TBC1D14: variants seen among roughly 807,000 people sequenced by gnomAD.
The protein encoded by TBC1D14 is TBC1 domain family member 14.
TBC1D14 carries 26 observed loss-of-function variants against 79.0 expected under a neutral mutation model. The observed-to-expected ratio is 0.33, with a 90% CI of 0.24 to 0.46. TBC1D14 has a LOEUF of 0.46. TBC1D14 is among the 20% of genes least tolerant of loss of function. TBC1D14 has a pLI of 1.00. For missense variants in TBC1D14, 769 were observed against 887.6 expected, an observed-to-expected ratio of 0.87 and a Z score of 1.70; for synonymous variants, 394 against 349.9, an observed-to-expected ratio of 1.13 and a Z score of -1.40.
At chr4:7,019,484 T>A (rs35772786) in intron 12 of TBC1D14, among the ~76,000 whole-genome samples, 1 of 151,974 alleles carries the variant, frequency 6.6e-6, no homozygotes, top group South Asian at 2.1e-4. Flanking sequence ...CACGTCTGGC[T>A]TAGGTTGGGT....
rs376126969 is a variant in TBC1D14 at position 7,030,418 on chromosome 4, C to G, written c.*26C>G. 5.0e-6 allele frequency: 8 copies of G among 1,612,516 alleles called. No individual in the cohort carries two copies. In the African/African-American group the frequency reaches 5.3e-5, roughly 11 times the overall value. On this transcript the variant is annotated 3_prime_UTR_variant, in exon 14 of 14. Transcript: ENST00000409757. ...GGCTGCAGCGGGAATTCGCACTCGG[C>G]ACCAATCAGAGCCCCATGCCGCGGC...
At chr4:6,936,337 AAACTACTGATC>A (rs1404033494) in intron 2 of TBC1D14, among the ~76,000 whole-genome samples, 3 of 152,342 alleles carry the variant, frequency 2.0e-5, no homozygotes, top group Admixed American at 1.3e-4. Context: ...TTACCCCTGG[AAACTACTGATC>A]TTTTTACTGT....
intron 6 of TBC1D14, among the ~76,000 whole-genome samples, chr4:7,000,797 T>G (rs1394367286): frequency 6.6e-6 from 1 of 152,198 alleles, no homozygotes; most frequent in Non-Finnish European, 1.5e-5. Flanking sequence ...GTGCTGTTCC[T>G]GTAGGAGGCC....
Position 6,965,932 on chromosome 4 carries a change from T to G in TBC1D14, c.723-1372T>G, listed in dbSNP as rs144495664. ...GAATTTGTAGGAGACACTTTCAAAC[T>G]GTGTAAAAATCCATTCCTCATTGAG... On this transcript the variant is annotated intron_variant, in intron 2 of 13. Transcript: ENST00000409757. Among the ~76,000 whole-genome samples the G allele has an allele frequency of 6.8e-4, 103 of 152,348 alleles. 1 individual carries two copies. The highest frequency in any genetic ancestry group is 2.4e-3 in the African/African-American group (101 of 41,576).
At chr4:7,026,479 C>G (rs1280636142) in intron 13 of TBC1D14, among the ~76,000 whole-genome samples, 10 of 152,250 alleles carry the variant, frequency 6.6e-5, no homozygotes. Context: ...TGGTTGGAAT[C>G]AAGATCTAAA....
intron 2 of TBC1D14, among the ~76,000 whole-genome samples, chr4:6,930,105 G>C (rs774420153): frequency 1.3e-5 from 2 of 152,230 alleles, no homozygotes; most frequent in Admixed American, 6.5e-5. Flanking sequence ...TTGCAGGGCG[G>C]TGTTGGAACT....
At chr4:7,017,481 A>G (rs1404495313) in intron 12 of TBC1D14, among the ~76,000 whole-genome samples, 1 of 152,102 alleles carries the variant, frequency 6.6e-6, no homozygotes, top group Non-Finnish European at 1.5e-5. Context: ...CACCCATAAG[A>G]TGGGTCCCAT....
intron 2 of TBC1D14, among the ~76,000 whole-genome samples, chr4:6,940,357 C>T (rs1220838005): frequency 6.6e-6 from 1 of 152,136 alleles, no homozygotes; most frequent in African/African-American, 2.4e-5. Flanking sequence ...AACAGCAGCA[C>T]ACAGTGGGTG....
At chr4:6,959,292 C>T (rs1359717919) in intron 2 of TBC1D14, among the ~76,000 whole-genome samples, 7 of 152,194 alleles carry the variant, frequency 4.6e-5, no homozygotes, top group Non-Finnish European at 1.0e-4. Flanking sequence ...TGCAGGGTGC[C>T]AGGCCCTGCA....
At chr4:7,012,539 ATGAGG>A (rs1353340155) in intron 11 of TBC1D14, among the ~76,000 whole-genome samples, 1 of 152,234 alleles carries the variant, frequency 6.6e-6, no homozygotes, top group African/African-American at 2.4e-5. Flanking sequence ...AATAGCTGAA[ATGAGG>A]TTAGGAGAAT....
chr4:7,023,975 T>A (rs534331501), intron 12 of TBC1D14, among the ~76,000 whole-genome samples: 12 of 152,336 alleles, frequency 7.9e-5, no homozygotes, highest in Non-Finnish European at 1.2e-4. Context: ...AAGGTTCTGA[T>A]GAGGGACAGC....
At chr4:6,987,570 C>T in intron 3 of TBC1D14, 1 of 406,906 alleles carries the variant, frequency 2.5e-6, no homozygotes, top group Non-Finnish European at 4.3e-6. Context: ...CCCTGGTACT[C>T]TTTGTGTCTG....
intron 2 of TBC1D14, among the ~76,000 whole-genome samples, chr4:6,959,989 C>CT (rs1390160874): frequency 4.6e-5 from 7 of 151,626 alleles, no homozygotes; most frequent in Admixed American, 3.3e-4. Context: ...TTTTTATGAA[C>CT]TTTTTTCCAT....
intron 2 of TBC1D14, among the ~76,000 whole-genome samples, chr4:6,948,679 C>G (rs965107366): frequency 6.7e-6 from 1 of 150,056 alleles, no homozygotes; most frequent in Non-Finnish European, 1.5e-5. Context: ...TTCTTTTTGT[C>G]ATTCCGGTGA....
rs1410771251 is a variant in TBC1D14 at position 6,923,511 on chromosome 4, T to C, written c.122T>C (p.Leu41Pro). The C allele has an allele frequency of 6.2e-7, 1 of 1,614,176 alleles. No homozygotes were observed. Among genetic ancestry groups the C allele is most frequent in the South Asian group, 1.1e-5 (1 of 91,084 alleles). ...QHVNLKAPRLLSAPEYGPKLK... is the reference protein window; with the variant it reads ...QHVNLKAPRLPSAPEYGPKLK... ...GTCAATCTCAAGGCGCCCCGACTCC[T>C]CTCCGCGCCTGAGTACGGGCCCAAG... The change falls in exon 2 of 14, where the codon CTC becomes CCC. Residue 41 changes from leucine (L) to proline (P), a missense_variant. Around this residue, in one of 2 missense-constraint regions of TBC1D14, gnomAD observed 402 missense variants for 393.2 expected, o/e 1.02. Transcript: ENST00000409757.
intron 3 of TBC1D14, among the ~76,000 whole-genome samples, chr4:6,972,264 C>G (rs1391504067): frequency 5.9e-5 from 9 of 152,210 alleles, no homozygotes; most frequent in Non-Finnish European, 1.3e-4. Flanking sequence ...AAACAAATAA[C>G]TCTACATATA....
intron 2 of TBC1D14, among the ~76,000 whole-genome samples, chr4:6,956,573 G>A (rs1381241594): frequency 6.6e-6 from 1 of 152,160 alleles, no homozygotes; most frequent in Non-Finnish European, 1.5e-5. Context: ...CCTGGCCCTA[G>A]GAGGAAGGTG....
chr4:7,024,976 C>G (rs758634165), intron 12 of TBC1D14, 28 bp from the exon 13 acceptor site: 1 of 1,609,880 alleles, frequency 6.2e-7, no homozygotes, highest in East Asian at 2.2e-5. Flanking sequence ...GATTCAAAAT[C>G]TGAAAAATTC....
At chr4:6,912,010 C>A (rs1723034112) in intron 1 of TBC1D14, among the ~76,000 whole-genome samples, 1 of 152,080 alleles carries the variant, frequency 6.6e-6, no homozygotes, top group South Asian at 2.1e-4. Context: ...GATCTGAACT[C>A]CTCGGCTCAA....
Sources: gnomAD v4.1 joint callset for allele counts (sites outside exome capture counted in the v4.1 genomes callset) on GRCh38, gnomAD v4.1.1 for gene constraint, gnomAD v4.1.1 regional missense constraint, MANE v1.5 for transcripts, NCBI Gene and HGNC (gene_info 2026-07-23, HGNC 2026-07-21) for gene names.